The following PCDH11X variants were observed in gnomAD, a reference collection of about 807,000 sequenced individuals.
PCDH11X encodes protocadherin-11 X-linked.
Under a neutral mutation model 53.3 loss-of-function variants are expected in PCDH11X, and 18 were observed. That is an observed-to-expected ratio of 0.34 (90% CI 0.23 to 0.50). The LOEUF is 0.50. Among genes scored for constraint, PCDH11X ranks in the 20% least tolerant of loss-of-function variants. PCDH11X has a pLI of 0.98. For missense variants in PCDH11X, 570 were observed against 1,032.4 expected (o/e 0.55, Z 6.14); for synonymous variants, 279 against 393.3 (o/e 0.71, Z 3.44).
At chrX:92,512,828 C>T (rs2074188093) in intron 10 of PCDH11X, among the ~76,000 whole-genome samples, 1 of 111,546 alleles carries the variant, frequency 9.0e-6, no homozygotes. Context: ...TTACTCTCAT[C>T]TCTGCAATTA....
chrX:92,462,059 G>A (rs1024423667), intron 9 of PCDH11X, among the ~76,000 whole-genome samples: 49 of 111,493 alleles, frequency 4.4e-4, no homozygotes, highest in African/African-American at 1.6e-3. Context: ...GTTTGTAATA[G>A]AGCAAACAGG....
At chrX:92,334,750 C>G (rs765269785) in intron 8 of PCDH11X, among the ~76,000 whole-genome samples, 2 of 111,676 alleles carry the variant, frequency 1.8e-5, no homozygotes, top group South Asian at 7.5e-4. Context: ...CTTATAGTAT[C>G]GAGAAACACA....
chrX:92,086,687 C>T (rs1314308486), intron 6 of PCDH11X, among the ~76,000 whole-genome samples: 6 of 110,439 alleles, frequency 5.4e-5, no homozygotes, highest in Non-Finnish European at 9.4e-5. Flanking sequence ...CTTAAAAATA[C>T]GAAACTTTTT....
Position 92,414,425 on chromosome X carries a change from CGT to C in PCDH11X, c.3343+26495_3343+26496del, listed in dbSNP as rs200371301. ...TCAAGGTCTTAAATCATGTGCTTAC[CGT>C]GTTCAAAGCACTAACATTTTATTCT... On this transcript the variant is annotated intron_variant, in intron 9 of 10. Transcript: ENST00000682573. 6.3e-3 allele frequency among the ~76,000 whole-genome samples: 582 copies of C among 92,997 alleles called. 5 individuals carry two copies. The highest frequency in any genetic ancestry group is 0.023 in the African/African-American group (557 of 24,673). The allele number at this position is 92,997 out of a possible 115,157, so 80.8% of individuals were successfully genotyped here.
chrX:92,442,010 A>G (rs2072525747), intron 9 of PCDH11X, among the ~76,000 whole-genome samples: 2 of 110,841 alleles, frequency 1.8e-5, no homozygotes, highest in Admixed American at 1.9e-4. Context: ...GTCAAAGGAT[A>G]TCATTTTGGA....
chrX:92,495,445 C>T, intron 10 of PCDH11X, among the ~76,000 whole-genome samples: 1 of 108,412 alleles, frequency 9.2e-6, no homozygotes, highest in Middle Eastern at 4.6e-3. Context: ...TAGAATTGAG[C>T]ACTCTCTCCT....
intron 9 of PCDH11X, among the ~76,000 whole-genome samples, chrX:92,429,534 G>A (rs1254596779): frequency 9.4e-6 from 1 of 106,530 alleles, no homozygotes; most frequent in Non-Finnish European, 1.9e-5. Flanking sequence ...AGCTAGGACA[G>A]GTAGTGTTTT....
intron 8 of PCDH11X, among the ~76,000 whole-genome samples, chrX:92,317,138 G>T (rs1272621293): frequency 9.0e-6 from 1 of 110,782 alleles, no homozygotes; most frequent in Non-Finnish European, 1.9e-5. Flanking sequence ...TAACTAAAAA[G>T]AATGTGTTAT....
At chrX:92,271,513 G>A (rs1385475873) in intron 8 of PCDH11X, among the ~76,000 whole-genome samples, 2 of 111,972 alleles carry the variant, frequency 1.8e-5, no homozygotes, top group African/African-American at 3.2e-5. Context: ...AGGGGTTTAA[G>A]TACCCCCAAG....
chrX:92,273,550 G>A (rs1371969031), intron 8 of PCDH11X, among the ~76,000 whole-genome samples: 1 of 110,732 alleles, frequency 9.0e-6, no homozygotes, highest in Admixed American at 9.7e-5. Context: ...ATAAAATAGT[G>A]TTGAAGTGTT....
At chrX:91,912,771 C>A (rs1170085935) in intron 6 of PCDH11X, among the ~76,000 whole-genome samples, 1 of 109,162 alleles carries the variant, frequency 9.2e-6, no homozygotes, top group Non-Finnish European at 1.9e-5. Flanking sequence ...GCTTCAAGAA[C>A]CCCCACAGGA....
chrX:91,861,029 T>A (rs761530819), intron 5 of PCDH11X, among the ~76,000 whole-genome samples: 243 of 111,877 alleles, frequency 2.2e-3, no homozygotes, highest in Admixed American at 3.0e-3. Context: ...TTTCAGTTGT[T>A]TGGAACAATT....
chrX:92,369,112 C>G (rs1173163041), intron 8 of PCDH11X, among the ~76,000 whole-genome samples: 1 of 103,176 alleles, frequency 9.7e-6, no homozygotes, highest in Non-Finnish European at 2.0e-5. Context: ...GAAGCTGCAC[C>G]CACAGCCTCC....
intron 9 of PCDH11X, among the ~76,000 whole-genome samples, chrX:92,445,356 A>G (rs1255150656): frequency 1.9e-5 from 2 of 106,265 alleles, no homozygotes; most frequent in Non-Finnish European, 3.9e-5. Flanking sequence ...CATCTAGTTC[A>G]TGTGCATAGA....
chrX:91,829,514 C>T (rs757710960), intron 4 of PCDH11X, among the ~76,000 whole-genome samples: 1 of 109,343 alleles, frequency 9.1e-6, no homozygotes, highest in South Asian at 4.0e-4. Context: ...CTGAACCCTC[C>T]ATTATTGAAC....
intron 10 of PCDH11X, among the ~76,000 whole-genome samples, chrX:92,569,426 A>T (rs1921919616): frequency 1.9e-5 from 2 of 107,849 alleles, no homozygotes; most frequent in African/African-American, 6.7e-5. Context: ...CACACTTGTG[A>T]TTTATTTTGT....
At chrX:91,999,000 A>G (rs953660233) in intron 6 of PCDH11X, among the ~76,000 whole-genome samples, 2 of 109,305 alleles carry the variant, frequency 1.8e-5, no homozygotes, top group African/African-American at 6.7e-5. Flanking sequence ...TGCTGCCTCA[A>G]CCTCCCCGGC....
Position 91,813,801 on chromosome X carries a change from T to A in PCDH11X, c.-45+2506T>A, listed in dbSNP as rs184721289. ...TAATATATTTGGAAATGCTTTGTTT[T>A]AAAAAAACCCTTTTCTTCTGAATAA... On this transcript the variant is annotated intron_variant, in intron 4 of 10. Coordinates refer to ENST00000682573, the MANE Select transcript of PCDH11X (RefSeq NM_032968.5). Among the ~76,000 whole-genome samples, 54 of 109,804 alleles carry A rather than the reference T, an allele frequency of 4.9e-4. 1 individual carries two copies. The highest frequency in any genetic ancestry group is 1.8e-3 in the African/African-American group (53 of 30,280).
At chrX:92,332,668 A>G (rs2069519191) in intron 8 of PCDH11X, among the ~76,000 whole-genome samples, 2 of 112,299 alleles carry the variant, frequency 1.8e-5, no homozygotes. Context: ...GTTTATTAAC[A>G]GGCAACGAAT....
Sources: gnomAD v4.1 joint callset for allele counts (sites outside exome capture counted in the v4.1 genomes callset) on GRCh38, gnomAD v4.1.1 for gene constraint, MANE v1.5 for transcripts, NCBI Gene and HGNC (gene_info 2026-07-23, HGNC 2026-07-21) for gene names.